The following FANCB variants were observed in gnomAD, a reference collection of about 807,000 sequenced individuals.
FANCB encodes the protein FA complementation group B, also known as Fanconi anemia group B protein.
Under a neutral mutation model 38.9 loss-of-function variants are expected in FANCB, and 5 were observed. The observed-to-expected ratio is 0.13, with a 90% confidence interval of 0.07 to 0.27. The LOEUF is 0.27. Among genes scored for constraint, FANCB ranks in the 10% least tolerant of loss-of-function variants. The pLI, the probability that FANCB is intolerant of heterozygous loss-of-function variation, is 1.00. For synonymous variants in FANCB, 236 were observed against 215.4 expected, an observed-to-expected ratio of 1.10 and a Z score of -0.84; for missense variants, 573 against 602.7, an observed-to-expected ratio of 0.95 and a Z score of 0.52.
chrX:14,801,503 G>A, the FANCB span, among the ~76,000 whole-genome samples: 1 of 111,759 alleles, frequency 8.9e-6, no homozygotes. Flanking sequence ...ATCATTTGAT[G>A]GGTTATAAAC....
At chrX:14,866,682 G>A (rs1014419663) in intron 2 of FANCB, among the ~76,000 whole-genome samples, 7 of 112,041 alleles carry the variant, frequency 6.2e-5, no homozygotes, top group African/African-American at 2.3e-4. Flanking sequence ...AAAAAAAGTT[G>A]TTGATATCTC....
At chrX:14,835,908 A>C (rs2092340105), downstream of FANCB, 1 of 112,440 alleles carries the variant, frequency 8.9e-6, no homozygotes, top group East Asian at 2.8e-4. Flanking sequence ...ATGATCTAGC[A>C]ATCTCACTTC....
the FANCB span, among the ~76,000 whole-genome samples, chrX:14,725,150 A>T: frequency 1.4e-4 from 16 of 112,016 alleles, no homozygotes; most frequent in African/African-American, 4.9e-4. Context: ...AGATCAATTC[A>T]GTAACAGGAC....
the FANCB span, among the ~76,000 whole-genome samples, chrX:14,758,651 G>A: frequency 1.3e-4 from 14 of 111,906 alleles, no homozygotes; most frequent in African/African-American, 4.2e-4. Context: ...CTCTCAGAAA[G>A]TCATATTCCT....
the FANCB span, among the ~76,000 whole-genome samples, chrX:14,793,208 T>C: frequency 1.8e-5 from 2 of 112,367 alleles, no homozygotes; most frequent in Admixed American, 1.9e-4. Context: ...TAAAAACCCA[T>C]AATATATTGA....
chrX:14,714,033 T>G, the FANCB span, among the ~76,000 whole-genome samples: 2 of 111,156 alleles, frequency 1.8e-5, no homozygotes, highest in Non-Finnish European at 3.8e-5. Flanking sequence ...CAGACCAGCA[T>G]GTAGTGTTGG....
exon 11 of FANCB, chrX:14,835,959 AATT>A (rs771228180): frequency 8.0e-5 from 9 of 112,386 alleles, no homozygotes; most frequent in African/African-American, 2.6e-4. Context: ...GATCTCAAAC[AATT>A]ATTTGCACAC....
chrX:14,869,984 T>C (rs936432956), intron 1 of FANCB, among the ~76,000 whole-genome samples: 106 of 112,418 alleles, frequency 9.4e-4, no homozygotes, highest in African/African-American at 3.2e-3. Context: ...GCATATCCAC[T>C]ATATTTTATA....
At chrX:14,819,030 C>T in the FANCB span, among the ~76,000 whole-genome samples, 1 of 112,269 alleles carries the variant, frequency 8.9e-6, no homozygotes, top group Non-Finnish European at 1.9e-5. Context: ...AAATCCACAC[C>T]GACAAAACTG....
At chrX:14,758,771 G>A in the FANCB span, among the ~76,000 whole-genome samples, 2 of 111,778 alleles carry the variant, frequency 1.8e-5, no homozygotes, top group Admixed American at 9.5e-5. Context: ...CTACCCAAAT[G>A]AGAAGGAAGC....
chrX:14,779,934 T>C, the FANCB span, among the ~76,000 whole-genome samples: 5 of 111,229 alleles, frequency 4.5e-5, no homozygotes, highest in Non-Finnish European at 9.4e-5. Context: ...ACATAATTTA[T>C]TGGACATTTT....
chrX:14,747,991 A>AT, the FANCB span, among the ~76,000 whole-genome samples: 2 of 111,729 alleles, frequency 1.8e-5, no homozygotes, highest in Non-Finnish European at 3.8e-5. Flanking sequence ...TGGGCCTCTC[A>AT]TCTGCCTTAC....
chrX:14,762,152 G>T, the FANCB span, among the ~76,000 whole-genome samples: 1 of 111,094 alleles, frequency 9.0e-6, no homozygotes, highest in African/African-American at 3.3e-5. Flanking sequence ...ATGGTGGAAG[G>T]CAGATGGGCA....
intron 5 of FANCB, among the ~76,000 whole-genome samples, chrX:14,854,456 A>G (rs2092415160): frequency 8.9e-6 from 1 of 111,963 alleles, no homozygotes; most frequent in African/African-American, 3.3e-5. Context: ...AATTAGACAC[A>G]TGGTAAGAAA....
the FANCB span, among the ~76,000 whole-genome samples, chrX:14,799,853 T>C: frequency 8.9e-6 from 1 of 112,371 alleles, no homozygotes; most frequent in African/African-American, 3.2e-5. Context: ...AATTGTATTC[T>C]AGTGTTTTTT....
rs963519292 is a variant in FANCB, at chrX:14,873,065, A to C, written c.-271T>G. Reference sequence around the variant, plus strand: ...TCCAAACCTCCCGCCAGCGCGCTGCATCCTGGGAGGCCGGGCGGAGGCTGC... The same window carrying C: ...TCCAAACCTCCCGCCAGCGCGCTGCCTCCTGGGAGGCCGGGCGGAGGCTGC... On this transcript the variant is annotated 5_prime_UTR_variant, in exon 1 of 10. An upstream start codon of the reference 5' UTR is lost. Coordinates refer to ENST00000650831, the MANE Select transcript of FANCB (RefSeq NM_001018113.3). 5.9e-6 allele frequency: 1 copy of C among 168,387 alleles called. No individual in the cohort carries two copies. Among genetic ancestry groups the C allele is most frequent in the Non-Finnish European group, 1.1e-5 (1 of 88,190 alleles). 13.9% of individuals were successfully genotyped at this position (168,387 alleles called of 1,213,427 possible).
chrX:14,788,216 G>T, the FANCB span, among the ~76,000 whole-genome samples: 1 of 109,741 alleles, frequency 9.1e-6, no homozygotes, highest in Non-Finnish European at 1.9e-5. Flanking sequence ...TTAATGCAGA[G>T]AATTGAACTG....
chrX:14,767,068 C>T, the FANCB span, among the ~76,000 whole-genome samples: 1 of 112,258 alleles, frequency 8.9e-6, no homozygotes, highest in African/African-American at 3.2e-5. Context: ...ATATATACCA[C>T]ATTTTCTTTA....
At chrX:14,786,742 C>A in the FANCB span, among the ~76,000 whole-genome samples, 2 of 110,931 alleles carry the variant, frequency 1.8e-5, no homozygotes, top group African/African-American at 6.6e-5. Context: ...AAAATCATCT[C>A]TATCAGGCCT....
Sources: gnomAD v4.1 joint callset for allele counts (sites outside exome capture counted in the v4.1 genomes callset) on GRCh38, gnomAD v4.1.1 for gene constraint, MANE v1.5 for transcripts, NCBI Gene and HGNC (gene_info 2026-07-23, HGNC 2026-07-21) for gene names.